Variants in BRSK1 observed in about 807,000 individuals in gnomAD.
The protein encoded by BRSK1 is BR serine/threonine kinase 1, also known as serine/threonine-protein kinase BRSK1.
Under a neutral mutation model 86.2 loss-of-function variants are expected in BRSK1, and 17 were observed. That is an observed-to-expected ratio of 0.20 (90% CI 0.14 to 0.30). The LOEUF (loss-of-function observed/expected upper bound fraction) is 0.30, where lower values mean the gene tolerates loss of function less well. Among genes scored for constraint, BRSK1 ranks in the 10% least tolerant of loss-of-function variants. The pLI is 1.00. For synonymous variants in BRSK1, 464 were observed against 440.1 expected (o/e 1.05, Z -0.68); for missense variants, 719 against 1,071.9 (o/e 0.67, Z 4.60).
chr19:55,300,035 C>T (rs534209757), intron 7 of BRSK1, among the ~76,000 whole-genome samples: 11 of 152,254 alleles, frequency 7.2e-5, no homozygotes, highest in East Asian at 1.9e-4. Flanking sequence ...CCGTATGATA[C>T]GTTCGCTTGT....
chr19:55,312,173 G>T lies in BRSK1; in HGVS notation c.*105G>T. On this transcript the variant is annotated 3_prime_UTR_variant, in exon 19 of 19. Transcript: ENST00000309383. ...CAAGGAACATGTCGGGAGGGGGGTG[G>T]ACACAAAAACCGGCCTTGCCCTGCA... is the stretch of plus-strand genomic sequence containing the variant. 1 of 568,710 alleles carries T rather than the reference G, an allele frequency of 1.8e-6. No homozygotes were observed. Among genetic ancestry groups the T allele is most frequent in the South Asian group, 2.7e-5 (1 of 37,320 alleles). The allele number at this position is 568,710 out of a possible 1,614,324, so 35.2% of individuals were successfully genotyped here.
chr19:55,298,729 C>T (rs772039760), intron 7 of BRSK1, among the ~76,000 whole-genome samples: 6 of 152,134 alleles, frequency 3.9e-5, no homozygotes, highest in African/African-American at 9.7e-5. Context: ...TTTCGTGTCA[C>T]GTTTTTCACA....
At chr19:55,305,187 C>T in intron 14 of BRSK1, 134 bp from the exon 15 acceptor site, 1 of 1,309,114 alleles carries the variant, frequency 7.6e-7, no homozygotes, top group Non-Finnish European at 1.1e-6. Context: ...GTGAGCCCCG[C>T]CCAGGAGGGA....
In BRSK1 at chr19:55,287,612, C is replaced by T. The variant is rs965398947; in HGVS notation, c.317+313C>T. ...ACAAGCAGGGTGCCCTCGACCAGAC[C>T]CAATCTGCTATGGGCAGATGCCTCC... is the stretch of plus-strand genomic sequence containing the variant. On this transcript the variant is annotated intron_variant, in intron 3 of 18. Coordinates refer to ENST00000309383, the MANE Select transcript of BRSK1 (RefSeq NM_032430.2). This position sits in a 1 kb window ranked among gnomAD's most constrained non-coding sequence, Gnocchi z 5.3. Among the ~76,000 whole-genome samples the T allele has an allele frequency of 2.0e-5, 3 of 152,258 alleles. No homozygotes were observed. The highest frequency in any genetic ancestry group is 7.2e-5 in the African/African-American group (3 of 41,472).
At chr19:55,308,814 GGCGGGGGGC>G (rs1477433437) in intron 18 of BRSK1, 86 bp downstream of exon 18, 2 of 331,678 alleles carry the variant, frequency 6.0e-6, no homozygotes, top group Non-Finnish European at 1.1e-5. Flanking sequence ...GGGCGTGGGT[GGCGGGGGGC>G]GTGGGTGGCG....
rs1267582728 is a variant in BRSK1, at chr19:55,287,285, G to A, written c.303G>A (p.Glu101=). ...TCCTCAAGCTCCACGACGTCTACGAGAACAAGAAATATTTGTAGGTATTTA... is the reference window on the plus strand; with the variant it reads ...TCCTCAAGCTCCACGACGTCTACGAAAACAAGAAATATTTGTAGGTATTTA... ...PHVLKLHDVY[E]NKKYLYLVLE... The change falls in exon 3 of 19, where the codon GAG becomes GAA. Residue 101 remains glutamate, a synonymous_variant. Coordinates refer to ENST00000309383, the MANE Select transcript of BRSK1 (RefSeq NM_032430.2). This position sits in a 1 kb window ranked among gnomAD's most constrained non-coding sequence, Gnocchi z 5.3. 1 of 1,614,032 alleles carries A rather than the reference G, an allele frequency of 6.2e-7. No homozygotes were observed. The highest frequency in any genetic ancestry group is 8.5e-7 in the Non-Finnish European group (1 of 1,179,938).
chr19:55,304,799 G>T lies in BRSK1; in HGVS notation c.1596G>T (p.Pro532=). The T allele has an allele frequency of 1.3e-6, 2 of 1,569,888 alleles. No homozygotes were observed. The highest frequency in any genetic ancestry group is 2.4e-5 in the East Asian group (1 of 42,358). The part of the protein sequence containing the change: ...HTPRASPTGT[P]GTTPPPSPGG... ...CCCGGGCCAGTCCCACCGGGACCCC[G>T]GGGACAACACCACCCCCCAGCCCCG... Residue 532 remains proline, a synonymous_variant, in exon 14 of 19, where the codon CCG becomes CCT. Transcript: ENST00000309383. This position sits in a 1 kb window ranked among gnomAD's most constrained non-coding sequence, Gnocchi z 5.2.
Position 55,311,897 on chromosome 19 carries a change from TTCC to T in BRSK1, c.2180-10_2180-8del. ...GGCTGCGGAACCCACGAAAAACCTC[TTCC>T]TCCCTTGCAGACGAGAAGAACGGGG... On this transcript the variant is annotated splice_polypyrimidine_tract_variant and intron_variant, in intron 18 of 18. Coordinates refer to ENST00000309383, the MANE Select transcript of BRSK1 (RefSeq NM_032430.2). The T allele has an allele frequency of 6.2e-7, 1 of 1,610,584 alleles. No homozygotes were observed. Among genetic ancestry groups the T allele is most frequent in the South Asian group, 1.1e-5 (1 of 90,830 alleles).
chr19:55,304,969 TA>T lies in BRSK1; in HGVS notation c.1717+54del, dbSNP rs752038327. On this transcript the variant is annotated intron_variant, in intron 14 of 18. Coordinates refer to ENST00000309383, the MANE Select transcript of BRSK1 (RefSeq NM_032430.2). The surrounding 1 kb of genome is among the most constrained non-coding windows in gnomAD (Gnocchi z 5.2). The stretch of plus-strand genomic sequence containing the variant: ...TCCTAATGTGGGGAGAGGTTGGGGC[TA>T]AAAATCTGGTTCCAGGGATGTCCGT... 10 of 1,591,126 alleles carry T rather than the reference TA, an allele frequency of 6.3e-6. No individual in the cohort carries two copies. The East Asian group carries it at 2.0e-4, about 32-fold the overall frequency.
At chr19:55,292,311 A>C (rs1198141232) in intron 4 of BRSK1, among the ~76,000 whole-genome samples, 1 of 152,226 alleles carries the variant, frequency 6.6e-6, no homozygotes. Context: ...GCTGCATATC[A>C]GCTTTACCTC....
chr19:55,304,413 C>T lies in BRSK1; in HGVS notation c.1348-138C>T. On this transcript the variant is annotated intron_variant, in intron 13 of 18. Transcript: ENST00000309383. The surrounding 1 kb of genome is among the most constrained non-coding windows in gnomAD (Gnocchi z 5.2). ...AGTCTTTGCTATCCTTGCTCTGGGG[C>T]CTGGGAAGGAGGATACTTGGACTAC... 9.0e-7 allele frequency: 1 copy of T among 1,114,174 alleles called. No homozygotes were observed. Among genetic ancestry groups the T allele is most frequent in the Non-Finnish European group, 1.2e-6 (1 of 809,086 alleles). 69.0% of individuals were successfully genotyped at this position (1,114,174 alleles called of 1,614,324 possible).
Position 55,304,238 on chromosome 19 carries a change from A to G in BRSK1, c.1347+128A>G. 2.0e-6 allele frequency: 2 copies of G among 1,000,634 alleles called. No homozygotes were observed. The highest frequency in any genetic ancestry group is 5.5e-5 in the Admixed American group (2 of 36,566). The allele number at this position is 1,000,634 out of a possible 1,614,324, so 62.0% of individuals were successfully genotyped here. A position where few individuals can be genotyped will look rare whatever the true frequency, so the allele number is the denominator to read the frequency against. ...TGCTTCTTTGTCCCTGGAGGGCCAAAGACCCAAGGCCTCCAAAGTATTTTG... is the reference window on the plus strand; with the variant it reads ...TGCTTCTTTGTCCCTGGAGGGCCAAGGACCCAAGGCCTCCAAAGTATTTTG... On this transcript the variant is annotated intron_variant, in intron 13 of 18. Coordinates refer to ENST00000309383, the MANE Select transcript of BRSK1 (RefSeq NM_032430.2). The surrounding 1 kb of genome is among the most constrained non-coding windows in gnomAD (Gnocchi z 5.2).
Position 55,304,685 on chromosome 19 carries a change from C to T in BRSK1, c.1482C>T (p.Pro494=), listed in dbSNP as rs763044433. ...GGGGCGCCGGGGAGCAGCCCCCGCC[C>T]CCCAGTGCCCGCTCCACACCCCTGC... The part of the protein sequence containing the change: ...RGGGAGEQPP[P]PSARSTPLPG... Residue 494 remains proline (P), a synonymous_variant, in exon 14 of 19, where the codon CCC becomes CCT. Coordinates refer to ENST00000309383, the MANE Select transcript of BRSK1 (RefSeq NM_032430.2). This position sits in a 1 kb window ranked among gnomAD's most constrained non-coding sequence, Gnocchi z 5.2. The T allele has an allele frequency of 1.3e-5, 20 of 1,483,952 alleles. No homozygotes were observed. In the African/African-American group the frequency reaches 2.4e-4, roughly 18 times the overall value. 91.9% of individuals were successfully genotyped at this position (1,483,952 alleles called of 1,614,324 possible).
Position 55,303,314 on chromosome 19 carries a change from G to C in BRSK1, c.1032G>C (p.Glu344Asp). The stretch of plus-strand genomic sequence containing the variant: ...CCTTTCCCACCCCCTGCCTTAGGGA[G>C]AACCAAGAAAAGATGATATATTATC... ...RLHRELRSEE[E>D]NQEKMIYYLL... is the part of the protein sequence containing the mutation. The change falls in exon 11 of 19, where the codon GAG (glutamate) becomes GAC (aspartate). Residue 344 changes from glutamate (E) to aspartate (D), a missense_variant. Transcript: ENST00000309383. The surrounding 1 kb of genome is among the most constrained non-coding windows in gnomAD (Gnocchi z 5.1). 6.2e-7 allele frequency: 1 copy of C among 1,613,582 alleles called. No individual in the cohort carries two copies. Among genetic ancestry groups the C allele is most frequent in the South Asian group, 1.1e-5 (1 of 91,068 alleles).
At position 55,301,667 on chromosome 19, in the gene BRSK1, AG is replaced by A. The variant is rs767436983; in HGVS notation, c.825+16del. 77 of 1,608,750 alleles carry A rather than the reference AG, an allele frequency of 4.8e-5. No homozygotes were observed. The highest frequency in any genetic ancestry group is 1.8e-4 in the East Asian group (8 of 44,674). On this transcript the variant is annotated intron_variant, in intron 8 of 18. Transcript: ENST00000309383. ...CCGAAAAAAGGCTCAGTGTGAGTTG[AG>A]GGGGGGACCGGCGGAGGGGGGAACA...
chr19:55,302,361 A>C lies in BRSK1; in HGVS notation c.857+193A>C. 8 of 682,828 alleles carry C rather than the reference A, an allele frequency of 1.2e-5. No homozygotes were observed. Among genetic ancestry groups the C allele is most frequent in the Non-Finnish European group, 1.8e-5 (7 of 391,906 alleles). 42.3% of individuals were successfully genotyped at this position (682,828 alleles called of 1,614,324 possible). On this transcript the variant is annotated intron_variant, in intron 9 of 18. Coordinates refer to ENST00000309383, the MANE Select transcript of BRSK1 (RefSeq NM_032430.2). The surrounding 1 kb of genome is among the most constrained non-coding windows in gnomAD (Gnocchi z 6.3). Reference sequence around the variant, plus strand: ...TAGGGGTCAGAGGCAGGAGGGGCTAAGCTAGGAGTCCAGGACTCCCAGGTT... The same window carrying C: ...TAGGGGTCAGAGGCAGGAGGGGCTACGCTAGGAGTCCAGGACTCCCAGGTT...
intron 3 of BRSK1, among the ~76,000 whole-genome samples, chr19:55,288,255 C>T (rs897378828): frequency 3.3e-5 from 5 of 151,924 alleles, no homozygotes; most frequent in African/African-American, 7.3e-5. Context: ...CCAAGATGGG[C>T]GGATTTCTTG....
Position 55,304,489 on chromosome 19 carries a change from G to C in BRSK1, c.1348-62G>C, listed in dbSNP as rs1278395888. On this transcript the variant is annotated intron_variant, in intron 13 of 18. Transcript: ENST00000309383. This position sits in a 1 kb window ranked among gnomAD's most constrained non-coding sequence, Gnocchi z 5.2. ...GTCCGTGAGTGTGCGTGTGAGTGGG[G>C]CTCCTAGAGCCTCCTGGGAGTTGTA... The C allele has an allele frequency of 1.4e-6, 2 of 1,471,494 alleles. No homozygotes were observed. The highest frequency in any genetic ancestry group is 1.8e-6 in the Non-Finnish European group (2 of 1,111,020). 91.2% of individuals were successfully genotyped at this position (1,471,494 alleles called of 1,614,324 possible).
chr19:55,302,357 G>T lies in BRSK1; in HGVS notation c.857+189G>T. ...AGTCTAGGGGTCAGAGGCAGGAGGG[G>T]CTAAGCTAGGAGTCCAGGACTCCCA... On this transcript the variant is annotated intron_variant, in intron 9 of 18. Coordinates refer to ENST00000309383, the MANE Select transcript of BRSK1 (RefSeq NM_032430.2). This position sits in a 1 kb window ranked among gnomAD's most constrained non-coding sequence, Gnocchi z 6.3. 4.3e-6 allele frequency: 3 copies of T among 697,320 alleles called. No homozygotes were observed. Among genetic ancestry groups the T allele is most frequent in the South Asian group, 1.6e-5 (1 of 60,750 alleles). 43.2% of individuals were successfully genotyped at this position (697,320 alleles called of 1,614,324 possible). A position where few individuals can be genotyped will look rare whatever the true frequency, so the allele number is the denominator to read the frequency against.
Sources: gnomAD v4.1 joint callset for allele counts (sites outside exome capture counted in the v4.1 genomes callset) on GRCh38, gnomAD v4.1.1 for gene constraint, Gnocchi (gnomAD v3.1) non-coding constraint, MANE v1.5 for transcripts, NCBI Gene and HGNC (gene_info 2026-07-23, HGNC 2026-07-21) for gene names.